Variants in EFR3B observed in about 807,000 individuals in gnomAD.
The protein encoded by EFR3B is protein EFR3 homolog B.
In EFR3B, 64 loss-of-function variants were observed where a neutral mutation model predicts 104.7. That is an observed-to-expected ratio of 0.61 (90% CI 0.50 to 0.75). The LOEUF is 0.75. Ranked by LOEUF, EFR3B falls within the 30% of genes least tolerant of loss-of-function variation. The pLI, the probability that EFR3B is intolerant of heterozygous loss-of-function variation, is 0.00. For synonymous variants in EFR3B, 385 were observed against 417.9 expected, an observed-to-expected ratio of 0.92 and a Z score of 0.96; for missense variants, 750 against 1,078.5, an observed-to-expected ratio of 0.70 and a Z score of 4.27.
At chr2:25,092,869 C>A (rs759472679) in intron 2 of EFR3B, 134 bp from the exon 3 acceptor site, 1 of 1,146,048 alleles carries the variant, frequency 8.7e-7, no homozygotes, top group Non-Finnish European at 1.2e-6. Flanking sequence ...GTCTCTGAAA[C>A]CCACATGTGC....
intron 1 of EFR3B, among the ~76,000 whole-genome samples, chr2:25,071,871 G>A (rs1337075477): frequency 1.3e-5 from 2 of 152,198 alleles, no homozygotes; most frequent in East Asian, 3.8e-4. Flanking sequence ...GCAGGTGTGA[G>A]AGAAATAGAT....
At chr2:25,052,777 A>G (rs893401828) in intron 1 of EFR3B, among the ~76,000 whole-genome samples, 7 of 151,636 alleles carry the variant, frequency 4.6e-5, no homozygotes, top group African/African-American at 1.7e-4. Context: ...TGCTGGGATT[A>G]CAGGCATGAG....
intron 1 of EFR3B, among the ~76,000 whole-genome samples, chr2:25,055,248 G>A (rs1365468498): frequency 2.0e-5 from 3 of 152,214 alleles, no homozygotes; most frequent in East Asian, 1.9e-4. Context: ...GCAATTGCAC[G>A]TGTCTTATGC....
At chr2:25,082,499 C>A (rs919551896) in intron 1 of EFR3B, among the ~76,000 whole-genome samples, 13 of 152,208 alleles carry the variant, frequency 8.5e-5, no homozygotes, top group African/African-American at 3.1e-4. Flanking sequence ...TGTTCTATAA[C>A]AGGAACTTTT....
chr2:25,158,700 A>G lies in EFR3B; in HGVS notation c.*4360A>G, dbSNP rs913019616. 6.6e-6 allele frequency: 1 copy of G among 152,002 alleles called. No homozygotes were observed. The highest frequency in any genetic ancestry group is 1.5e-5 in the Non-Finnish European group (1 of 68,016). The allele number at this position is 152,002 out of a possible 1,614,324, so 9.4% of individuals were successfully genotyped here. ...GGCCAGGTCTCCTGTACTTCAGGGG[A>G]CCATGGGGCCGCCCAAGCCAGTCAC... On this transcript the variant is annotated 3_prime_UTR_variant, in exon 23 of 23. Coordinates refer to ENST00000403714, the MANE Select transcript of EFR3B (RefSeq NM_014971.2).
intron 6 of EFR3B, among the ~76,000 whole-genome samples, chr2:25,128,960 CAAAAAAAAAAAAAAAAAAAAA>C (rs1170505822): frequency 2.0e-3 from 54 of 26,682 alleles, no homozygotes; most frequent in East Asian, 0.013. Context: ...GACTCCGTCT[CAAAAAAAAAAAAAAAAAAAAA>C]AAAAAAAAAA....
chr2:25,042,098 G>T lies in EFR3B; in HGVS notation c.-215G>T, dbSNP rs559605909. ...CGCAGCAGTGCCCAGCAACCCGAGC[G>T]GAGGCGGCCGCTGCAGCCCGGCGCT... On this transcript the variant is annotated 5_prime_UTR_variant, in exon 1 of 23. Coordinates refer to ENST00000403714, the MANE Select transcript of EFR3B (RefSeq NM_014971.2). This position sits in a 1 kb window ranked among gnomAD's most constrained non-coding sequence, Gnocchi z 5.4. 1 of 322,110 alleles carries T rather than the reference G, an allele frequency of 3.1e-6. No homozygotes were observed. Among genetic ancestry groups the T allele is most frequent in the Non-Finnish European group, 5.5e-6 (1 of 181,620 alleles). 20.0% of individuals were successfully genotyped at this position (322,110 alleles called of 1,614,324 possible).
intron 4 of EFR3B, among the ~76,000 whole-genome samples, chr2:25,105,499 C>A (rs1367854385): frequency 6.6e-6 from 1 of 152,238 alleles, no homozygotes; most frequent in African/African-American, 2.4e-5. Flanking sequence ...TCCTGTTCTA[C>A]ATAAGTTGAT....
At chr2:25,135,002 C>T (rs532389572) in intron 12 of EFR3B, among the ~76,000 whole-genome samples, 2 of 152,308 alleles carry the variant, frequency 1.3e-5, no homozygotes, top group South Asian at 4.1e-4. Context: ...CAAAATACTA[C>T]CTATGTGCAC....
chr2:25,129,837 C>G lies in EFR3B; in HGVS notation c.636-138C>G, dbSNP rs192754174. 3.8e-3 allele frequency: 4,266 copies of G among 1,130,654 alleles called. 27 individuals carry two copies. The highest frequency in any genetic ancestry group is 7.1e-3 in the Middle Eastern group (23 of 3,252). The allele number at this position is 1,130,654 out of a possible 1,614,324, so 70.0% of individuals were successfully genotyped here. A position where few individuals can be genotyped will look rare whatever the true frequency, so the allele number is the denominator to read the frequency against. On this transcript the variant is annotated intron_variant, in intron 6 of 22. Transcript: ENST00000403714. The stretch of plus-strand genomic sequence containing the variant: ...CCCATTTAATTTCTGACAGCTGTGA[C>G]GCCTCCCCTATTGCCTAGTGCAACC...
chr2:25,054,283 A>G (rs1402779094), intron 1 of EFR3B, among the ~76,000 whole-genome samples: 3 of 152,116 alleles, frequency 2.0e-5, no homozygotes, highest in African/African-American at 7.2e-5. Context: ...ATTGCAGGAC[A>G]CTGTACCTGT....
chr2:25,120,173 G>T (rs982355934), intron 4 of EFR3B, among the ~76,000 whole-genome samples: 4 of 150,806 alleles, frequency 2.7e-5, no homozygotes, highest in Non-Finnish European at 4.4e-5. Flanking sequence ...TGATCAACAT[G>T]GTGAAACGCT....
In EFR3B at chr2:25,130,594, C is replaced by T. The variant is rs1320635608; in HGVS notation, c.813C>T (p.Ala271=). The T allele has an allele frequency of 1.3e-6, 2 of 1,551,736 alleles. No individual in the cohort carries two copies. The highest frequency in any genetic ancestry group is 2.4e-5 in the East Asian group (1 of 40,930). ...CTCTTTGGGAACCCAAGGTGTTTGC[C>T]ATCCGTTGCTTTAAAATCATCATGT... The part of the protein sequence containing the change: ...NHSLWEPKVF[A]IRCFKIIMYS... The change falls in exon 8 of 23, where the codon GCC becomes GCT. Residue 271 remains alanine, a synonymous_variant. Transcript: ENST00000403714. This position sits in a 1 kb window ranked among gnomAD's most constrained non-coding sequence, Gnocchi z 4.6.
chr2:25,083,087 C>T (rs1418768767), intron 1 of EFR3B, among the ~76,000 whole-genome samples: 1 of 152,174 alleles, frequency 6.6e-6, no homozygotes. Flanking sequence ...TACTGATTTG[C>T]CTTTTCAGTG....
At chr2:25,071,884 T>C (rs1251240676) in intron 1 of EFR3B, among the ~76,000 whole-genome samples, 1 of 152,230 alleles carries the variant, frequency 6.6e-6, no homozygotes, top group Non-Finnish European at 1.5e-5. Flanking sequence ...AAATAGATGC[T>C]GGTTCTGGAA....
intron 3 of EFR3B, among the ~76,000 whole-genome samples, chr2:25,098,532 G>A (rs1456634575): frequency 6.6e-6 from 1 of 152,168 alleles, no homozygotes; most frequent in Non-Finnish European, 1.5e-5. Flanking sequence ...CCTTTTGAGT[G>A]TGTAACAGAT....
rs533611175 is a variant in EFR3B, at chr2:25,150,300, CAAAAA to C, written c.2191+573_2191+577del. Among the ~76,000 whole-genome samples the C allele has an allele frequency of 6.2e-4, 39 of 62,790 alleles. 1 individual carries two copies. The highest frequency in any genetic ancestry group is 1.7e-3 in the African/African-American group (36 of 20,960). 41.2% of individuals were successfully genotyped at this position (62,790 alleles called of 152,430 possible). ...GGGTGACAGAGCAAGACTCCCATCT[CAAAAA>C]AAAAAAAAAAAAAAGGCAATCAGTT... On this transcript the variant is annotated intron_variant, in intron 20 of 22. Coordinates refer to ENST00000403714, the MANE Select transcript of EFR3B (RefSeq NM_014971.2).
chr2:25,147,962 T>C (rs1573238736), intron 19 of EFR3B: 1 of 145,344 alleles, frequency 6.9e-6, no homozygotes, highest in South Asian at 2.2e-4. Context: ...GAGGTGGAGG[T>C]TGTAGTGAGC....
At position 25,081,673 on chromosome 2, in the gene EFR3B, A is replaced by G. The variant is rs1316889880; in HGVS notation, c.8-9652A>G. On this transcript the variant is annotated intron_variant, in intron 1 of 22. Transcript: ENST00000403714. ...AGCTGCGGCCAACAGCTGGCTGTAG[A>G]ACATGGAGGCTGCCATTTCCGAGTG... 5.3e-6 allele frequency: 3 copies of G among 566,116 alleles called. No individual in the cohort carries two copies. In the South Asian group the frequency reaches 7.9e-5, roughly 15 times the overall value. 35.1% of individuals were successfully genotyped at this position (566,116 alleles called of 1,614,324 possible). A position where few individuals can be genotyped will look rare whatever the true frequency, so the allele number is the denominator to read the frequency against.
Sources: allele counts gnomAD v4.1 joint callset (sites outside exome capture counted in the v4.1 genomes callset), GRCh38; gene constraint gnomAD v4.1.1; non-coding constraint Gnocchi (gnomAD v3.1); transcripts MANE v1.5; gene names NCBI Gene and HGNC (gene_info 2026-07-23, HGNC 2026-07-21).